Variants in PTPRK observed in about 807,000 individuals in gnomAD.
PTPRK encodes the protein receptor-type tyrosine-protein phosphatase kappa.
PTPRK carries 75 observed loss-of-function variants against 178.0 expected under a neutral mutation model. That is an observed-to-expected ratio of 0.42 (90% confidence interval 0.35 to 0.51). The LOEUF (loss-of-function observed/expected upper bound fraction) is 0.51, where lower values mean the gene tolerates loss of function less well. PTPRK is among the 20% of genes least tolerant of loss of function. The probability of loss-of-function intolerance (pLI) is 0.02; values close to 1 mark genes in which losing one functional copy is unlikely to be tolerated. For synonymous variants in PTPRK, 637 were observed against 620.6 expected (o/e 1.03, Z -0.39); for missense variants, 1,441 against 1,797.8 (o/e 0.80, Z 3.59).
chr6:128,026,574 C>A (rs886864424), intron 13 of PTPRK, among the ~76,000 whole-genome samples: 1 of 151,972 alleles, frequency 6.6e-6, no homozygotes, highest in Non-Finnish European at 1.5e-5. Context: ...ATTTAAAGTA[C>A]CTAGAAGTAT....
chr6:128,480,198 C>T (rs1320259024), intron 1 of PTPRK, among the ~76,000 whole-genome samples: 2 of 152,118 alleles, frequency 1.3e-5, no homozygotes, highest in African/African-American at 4.8e-5. Flanking sequence ...GGCTGAAACC[C>T]AGGAGCCATC....
chr6:128,311,829 G>A (rs907878616), intron 3 of PTPRK, among the ~76,000 whole-genome samples: 5 of 151,982 alleles, frequency 3.3e-5, no homozygotes, highest in Non-Finnish European at 7.4e-5. Flanking sequence ...TCCTTTATTA[G>A]TACTATTTTC....
chr6:128,140,896 A>G (rs994118991), intron 7 of PTPRK, among the ~76,000 whole-genome samples: 6 of 152,014 alleles, frequency 3.9e-5, no homozygotes, highest in African/African-American at 1.4e-4. Context: ...AAGGAGGACT[A>G]CAGTATTTTG....
chr6:128,015,138 T>C (rs1227556775), intron 13 of PTPRK, among the ~76,000 whole-genome samples: 1 of 151,730 alleles, frequency 6.6e-6, no homozygotes, highest in Non-Finnish European at 1.5e-5. Context: ...TCTTAGAGTC[T>C]CTAAATTTGT....
At chr6:128,193,280 GAAAAAAAAAAAA>G (rs778872277) in intron 6 of PTPRK, among the ~76,000 whole-genome samples, 2 of 57,754 alleles carry the variant, frequency 3.5e-5, no homozygotes, top group African/African-American at 6.1e-5. Flanking sequence ...TCCAGCTTGT[GAAAAAAAAAAAA>G]AAAAAAAAAA....
intron 5 of PTPRK, among the ~76,000 whole-genome samples, chr6:128,222,687 T>C (rs1810634060): frequency 6.6e-6 from 1 of 152,162 alleles, no homozygotes; most frequent in African/African-American, 2.4e-5. Flanking sequence ...TTTACAGGAG[T>C]CATTTCAAAG....
chr6:128,490,155 C>A (rs1231024732), intron 1 of PTPRK, among the ~76,000 whole-genome samples: 3 of 152,112 alleles, frequency 2.0e-5, no homozygotes, highest in Admixed American at 6.5e-5. Flanking sequence ...AAAAAAAAAT[C>A]TTTTCCAAAA....
At chr6:128,378,391 A>G (rs1230282235) in intron 2 of PTPRK, among the ~76,000 whole-genome samples, 1 of 152,174 alleles carries the variant, frequency 6.6e-6, no homozygotes, top group Non-Finnish European at 1.5e-5. Context: ...ACAGAGATGT[A>G]CATACAAACA....
intron 7 of PTPRK, among the ~76,000 whole-genome samples, chr6:128,124,203 C>G (rs1232687207): frequency 1.3e-5 from 2 of 151,990 alleles, no homozygotes; most frequent in Middle Eastern, 3.2e-3. Context: ...ACCACCACAA[C>G]AAGCTAATTT....
chr6:127,983,756 A>T (rs969111444), intron 22 of PTPRK, among the ~76,000 whole-genome samples: 1 of 152,216 alleles, frequency 6.6e-6, no homozygotes, highest in Non-Finnish European at 1.5e-5. Context: ...TTTTAGATTC[A>T]TCTAGTTGTG....
intron 2 of PTPRK, among the ~76,000 whole-genome samples, chr6:128,350,124 G>A (rs183894058): frequency 6.6e-6 from 1 of 152,160 alleles, no homozygotes; most frequent in African/African-American, 2.4e-5. Context: ...GATGGCAGAA[G>A]GGGAGAAATA....
At chr6:128,194,062 A>AT (rs1562766047) in intron 6 of PTPRK, among the ~76,000 whole-genome samples, 1 of 131,048 alleles carries the variant, frequency 7.6e-6, no homozygotes, top group African/African-American at 3.0e-5. Flanking sequence ...ATATTTATAT[A>AT]TATATTATTA....
intron 13 of PTPRK, among the ~76,000 whole-genome samples, chr6:128,042,921 T>C (rs1315500360): frequency 2.6e-5 from 4 of 152,052 alleles, no homozygotes; most frequent in African/African-American, 7.2e-5. Context: ...ATCTTTGCTC[T>C]GACATAAATG....
At chr6:128,312,008 C>T (rs767723311) in intron 3 of PTPRK, among the ~76,000 whole-genome samples, 2 of 152,098 alleles carry the variant, frequency 1.3e-5, no homozygotes, top group South Asian at 2.1e-4. Context: ...GCAAAAAATC[C>T]ATTTTTATGC....
intron 2 of PTPRK, among the ~76,000 whole-genome samples, chr6:128,328,242 G>A (rs1829827732): frequency 6.6e-6 from 1 of 152,268 alleles, no homozygotes; most frequent in African/African-American, 2.4e-5. Context: ...CGCTTAAAGG[G>A]TCAAGTGCTA....
At chr6:128,330,892 AAACAAAAC>A (rs1830184838) in intron 2 of PTPRK, among the ~76,000 whole-genome samples, 1 of 151,900 alleles carries the variant, frequency 6.6e-6, no homozygotes, top group African/African-American at 2.4e-5. Context: ...AAACAAAACA[AAACAAAAC>A]AAAAAAACAC....
intron 13 of PTPRK, among the ~76,000 whole-genome samples, chr6:128,029,561 A>G (rs1234859322): frequency 6.6e-6 from 1 of 151,336 alleles, no homozygotes; most frequent in Non-Finnish European, 1.5e-5. Context: ...GAGGCAGAAA[A>G]ATCACTTGAA....
chr6:128,344,105 G>C (rs760952835), intron 2 of PTPRK, among the ~76,000 whole-genome samples: 32 of 152,194 alleles, frequency 2.1e-4, no homozygotes, highest in Non-Finnish European at 4.0e-4. Context: ...GCATTTGATA[G>C]AACGTGCTTT....
chr6:128,250,703 A>C (rs1816326915), intron 3 of PTPRK, among the ~76,000 whole-genome samples: 1 of 152,216 alleles, frequency 6.6e-6, no homozygotes, highest in African/African-American at 2.4e-5. Context: ...TAAGGCATAA[A>C]TTTCTGCTGA....
Sources: allele counts gnomAD v4.1 joint callset (sites outside exome capture counted in the v4.1 genomes callset), GRCh38; gene constraint gnomAD v4.1.1; transcripts MANE v1.5; gene names NCBI Gene and HGNC (gene_info 2026-07-23, HGNC 2026-07-21).